The following SRSF11 variants were observed in gnomAD, a reference collection of about 807,000 sequenced individuals.
SRSF11 encodes the protein serine/arginine-rich splicing factor 11.
Under a neutral mutation model 56.0 loss-of-function variants are expected in SRSF11, and 9 were observed. The observed-to-expected ratio is 0.16, with a 90% confidence interval of 0.10 to 0.28. The LOEUF is 0.28. Ranked by LOEUF, SRSF11 falls within the 10% of genes least tolerant of loss-of-function variation. The pLI, the probability that SRSF11 is intolerant of heterozygous loss-of-function variation, is 1.00. For missense variants in SRSF11, 421 were observed against 600.7 expected (o/e 0.70, Z 3.13); for synonymous variants, 222 against 215.3 (o/e 1.03, Z -0.27).
intron 9 of SRSF11, among the ~76,000 whole-genome samples, chr1:70,247,569 A>G (rs1470652660): frequency 2.0e-5 from 3 of 152,104 alleles, no homozygotes; most frequent in African/African-American, 7.2e-5. Flanking sequence ...TGAAATGTAT[A>G]AAAGACCTAA....
At chr1:70,224,459 GT>G (rs1205730827) in intron 1 of SRSF11, among the ~76,000 whole-genome samples, 1 of 152,134 alleles carries the variant, frequency 6.6e-6, no homozygotes. Context: ...CCTGTCACCA[GT>G]TGACAGGTTA....
chr1:70,241,671 C>T (rs566078563), intron 7 of SRSF11, among the ~76,000 whole-genome samples: 1 of 152,324 alleles, frequency 6.6e-6, no homozygotes, highest in East Asian at 1.9e-4. Flanking sequence ...CTTCATGTTT[C>T]TGCTCATGAT....
At chr1:70,229,070 A>G in intron 2 of SRSF11, 1 of 1,102,228 alleles carries the variant, frequency 9.1e-7, no homozygotes, top group Non-Finnish European at 1.1e-6. Flanking sequence ...AAAGTTCAAG[A>G]TTTCCTGTAG....
At chr1:70,231,834 C>T (rs1265175242) in intron 2 of SRSF11, 5 of 1,432,676 alleles carry the variant, frequency 3.5e-6, no homozygotes, top group Non-Finnish European at 4.6e-6. Context: ...TCTTGTGTAT[C>T]TTGATTTTTC....
intron 6 of SRSF11, 79 bp downstream of exon 6, chr1:70,237,631 GACA>G: frequency 6.4e-7 from 1 of 1,566,848 alleles, no homozygotes; most frequent in East Asian, 2.3e-5. Flanking sequence ...TGTGTTGAGT[GACA>G]CCCTAGTCGT....
At chr1:70,214,463 C>G (rs1669826759) in intron 1 of SRSF11, among the ~76,000 whole-genome samples, 1 of 152,142 alleles carries the variant, frequency 6.6e-6, no homozygotes, top group Admixed American at 6.5e-5. Context: ...CTGACTACTA[C>G]TTTTTTCCTC....
chr1:70,240,864 C>T (rs1213543462), intron 7 of SRSF11, among the ~76,000 whole-genome samples: 1 of 151,854 alleles, frequency 6.6e-6, no homozygotes, highest in African/African-American at 2.4e-5. Flanking sequence ...CAACTTCCGC[C>T]TCCTGAGTTC....
At chr1:70,244,631 T>A (rs967902683) in intron 7 of SRSF11, 53 bp from the exon 8 acceptor site, 1 of 1,570,254 alleles carries the variant, frequency 6.4e-7, no homozygotes, top group African/African-American at 1.4e-5. Context: ...AGCACAAAAT[T>A]TATAGTCTTT....
At chr1:70,247,469 A>T (rs982198302) in intron 9 of SRSF11, among the ~76,000 whole-genome samples, 1 of 152,110 alleles carries the variant, frequency 6.6e-6, no homozygotes, top group African/African-American at 2.4e-5. Flanking sequence ...TTCAGATCTC[A>T]TTCACATGTT....
chr1:70,249,323 C>A (rs1402723124), intron 9 of SRSF11: 1 of 152,170 alleles, frequency 6.6e-6, no homozygotes, highest in Admixed American at 6.5e-5. Flanking sequence ...AATGTTTGAA[C>A]CAAAAACTAA....
At chr1:70,220,530 A>G (rs57098486), upstream of SRSF11, among the ~76,000 whole-genome samples, 31,428 of 152,232 alleles carry the variant, frequency 0.21, 3,645 homozygotes, top group South Asian at 0.39. Flanking sequence ...TTTAAGTACT[A>G]TAAACTGTGT....
At chr1:70,224,522 T>TA in intron 1 of SRSF11, among the ~76,000 whole-genome samples, 1 of 152,130 alleles carries the variant, frequency 6.6e-6, no homozygotes, top group East Asian at 1.9e-4. Flanking sequence ...AATACATGTA[T>TA]GACTGAACCT....
intron 1 of SRSF11, among the ~76,000 whole-genome samples, chr1:70,227,495 A>G (rs375503856): frequency 1.8e-4 from 28 of 152,198 alleles, no homozygotes; most frequent in African/African-American, 6.5e-4. Flanking sequence ...CCCCAACCCC[A>G]TGACTCTAAT....
chr1:70,217,976 T>G (rs1406210426), upstream of SRSF11, among the ~76,000 whole-genome samples: 1 of 151,954 alleles, frequency 6.6e-6, no homozygotes, highest in Non-Finnish European at 1.5e-5. Flanking sequence ...TTTTGTTTGT[T>G]TTTTGTGTGT....
chr1:70,219,871 C>A (rs1179802706), upstream of SRSF11, among the ~76,000 whole-genome samples: 2 of 152,232 alleles, frequency 1.3e-5, no homozygotes, highest in Admixed American at 1.3e-4. Context: ...TAATCTCTCA[C>A]ATATTGCATC....
intron 7 of SRSF11, among the ~76,000 whole-genome samples, chr1:70,240,296 G>A (rs1675049040): frequency 6.6e-6 from 1 of 152,126 alleles, no homozygotes; most frequent in Admixed American, 6.5e-5. Flanking sequence ...CTTTATAAAA[G>A]TGGCATTATT....
chr1:70,225,920 C>T (rs1671676702), intron 1 of SRSF11, among the ~76,000 whole-genome samples: 1 of 152,146 alleles, frequency 6.6e-6, no homozygotes, highest in Non-Finnish European at 1.5e-5. Flanking sequence ...CTTATATTAA[C>T]ATATTATCTT....
intron 7 of SRSF11, among the ~76,000 whole-genome samples, chr1:70,243,336 CAAAAAAAAAAAAAAAAAAAAAAAAAAAA>C (rs56098296): frequency 6.1e-5 from 2 of 32,560 alleles, no homozygotes; most frequent in East Asian, 4.4e-3. Flanking sequence ...TGGTTGGTGG[CAAAAAAAAAAAAAAAAAAAAAAAAAAAA>C]AAAAAAAAAC....
chr1:70,208,068 G>T (rs1488480877), intron 1 of SRSF11, among the ~76,000 whole-genome samples: 5 of 151,860 alleles, frequency 3.3e-5, no homozygotes, highest in African/African-American at 1.2e-4. Flanking sequence ...ACCACACCCT[G>T]CCTAGTTCAA....
Sources: allele counts gnomAD v4.1 joint callset (sites outside exome capture counted in the v4.1 genomes callset), GRCh38; gene constraint gnomAD v4.1.1; transcripts MANE v1.5; gene names NCBI Gene and HGNC (gene_info 2026-07-23, HGNC 2026-07-21).